DNAH11: variants seen among roughly 807,000 people sequenced by gnomAD.
DNAH11 encodes the protein axonemal beta dynein heavy chain 11.
A neutral mutation model predicts 526.0 loss-of-function variants in DNAH11; 442 were observed. The observed-to-expected ratio is 0.84, with a 90% CI of 0.78 to 0.91. The LOEUF is 0.91. Ranked by LOEUF, DNAH11 falls within the 40% of genes least tolerant of loss-of-function variation. The pLI is 0.00. For synonymous variants in DNAH11, 2,461 were observed against 1,935.9 expected, an observed-to-expected ratio of 1.27 and a Z score of -7.12; for missense variants, 6,989 against 5,448.7, an observed-to-expected ratio of 1.28 and a Z score of -8.90.
intron 45 of DNAH11, among the ~76,000 whole-genome samples, chr7:21,734,056 C>T (rs933469964): frequency 9.9e-5 from 15 of 152,178 alleles, no homozygotes; most frequent in African/African-American, 3.4e-4. Flanking sequence ...CCCAGGCAGC[C>T]TGGCTCCAGA....
At chr7:21,650,083 C>T (rs1787558267) in intron 28 of DNAH11, among the ~76,000 whole-genome samples, 1 of 151,796 alleles carries the variant, frequency 6.6e-6, no homozygotes, top group Non-Finnish European at 1.5e-5. Context: ...TTGCAATTTC[C>T]AAAAGTTTAT....
At chr7:21,611,950 C>G (rs1443777019) in intron 20 of DNAH11, among the ~76,000 whole-genome samples, 1 of 152,112 alleles carries the variant, frequency 6.6e-6, no homozygotes, top group Non-Finnish European at 1.5e-5. Context: ...GCCAAATTTG[C>G]TTCTTAGAAA....
At chr7:21,877,755 GTCCCA>G (rs1290936430) in intron 74 of DNAH11, among the ~76,000 whole-genome samples, 2 of 151,282 alleles carry the variant, frequency 1.3e-5, no homozygotes, top group East Asian at 3.9e-4. Context: ...GGCGCCTGTA[GTCCCA>G]GCTACTCGGG....
chr7:21,779,238 C>G, intron 57 of DNAH11, 134 bp downstream of exon 57: 1 of 1,073,800 alleles, frequency 9.3e-7, no homozygotes. Flanking sequence ...ACACATGTAA[C>G]AGCATTTCAC....
intron 46 of DNAH11, among the ~76,000 whole-genome samples, chr7:21,738,496 T>G (rs1374056940): frequency 6.6e-6 from 1 of 152,112 alleles, no homozygotes; most frequent in South Asian, 2.1e-4. Flanking sequence ...GAATGACTTC[T>G]GGCAACAGGA....
intron 68 of DNAH11, 136 bp from the exon 69 acceptor site, chr7:21,861,717 A>C: frequency 1.4e-6 from 1 of 731,574 alleles, no homozygotes; most frequent in Non-Finnish European, 2.2e-6. Flanking sequence ...TGTGCCAGAA[A>C]CTATAATCCT....
chr7:21,868,994 G>A lies in DNAH11; in HGVS notation c.11967+3G>A, dbSNP rs2128035774. The stretch of plus-strand genomic sequence containing the variant: ...GAGGACACTGGGTCATCCTCCAAGT[G>A]AGTATTAAGTTTCAGGGAAGACACT... On this transcript the variant is annotated splice_donor_region_variant and intron_variant, in intron 73 of 81. Transcript: ENST00000409508. 3 of 1,613,826 alleles carry A rather than the reference G, an allele frequency of 1.9e-6. No individual in the cohort carries two copies. Among genetic ancestry groups the A allele is most frequent in the Middle Eastern group, 1.7e-4 (1 of 6,034 alleles).
chr7:21,836,625 GAAACTATAAA>G (rs537895405), intron 65 of DNAH11, among the ~76,000 whole-genome samples: 60 of 152,206 alleles, frequency 3.9e-4, no homozygotes, highest in Non-Finnish European at 7.4e-4. Flanking sequence ...TGTAATACCT[GAAACTATAAA>G]ACTACTAGAA....
In DNAH11 at chr7:21,787,554, T is replaced by C; in HGVS notation, c.9895T>C (p.Trp3299Arg). The stretch of plus-strand genomic sequence containing the variant: ...TTTTGCAGCAGCTGGCCTGTGTGCC[T>C]GGGTCATCAACATCATTAAATTCTA... ...KSFAAAGLCAWVINIIKFYEV... is the reference protein window; with the variant it reads ...KSFAAAGLCARVINIIKFYEV... The change falls in exon 60 of 82, where the codon TGG (tryptophan) becomes CGG (arginine). Residue 3299 changes from tryptophan to arginine, a missense_variant. Physicochemically the swap from Trp to Arg is moderately radical, Grantham distance 101. Transcript: ENST00000409508. 1 of 1,612,290 alleles carries C rather than the reference T, an allele frequency of 6.2e-7. No homozygotes were observed. The highest frequency in any genetic ancestry group is 8.5e-7 in the Non-Finnish European group (1 of 1,179,290).
chr7:21,899,224 T>C, intron 79 of DNAH11, 112 bp from the exon 80 acceptor site: 1 of 794,684 alleles, frequency 1.3e-6, no homozygotes, highest in Non-Finnish European at 2.2e-6. Context: ...CAGCTAGCAG[T>C]GGTATACTTC....
At chr7:21,595,455 A>G (rs963049654) in intron 14 of DNAH11, among the ~76,000 whole-genome samples, 1 of 152,238 alleles carries the variant, frequency 6.6e-6, no homozygotes, top group African/African-American at 2.4e-5. Context: ...GATTCTGGAT[A>G]TATTTTGAAT....
In DNAH11 at chr7:21,807,891, C is replaced by T. The variant is rs377296775; in HGVS notation, c.10174C>T (p.Arg3392Cys). The T allele has an allele frequency of 3.1e-5, 49 of 1,592,352 alleles. No individual in the cohort carries two copies. The highest frequency in any genetic ancestry group is 8.4e-5 in the Admixed American group (5 of 59,524). Residue 3392 changes from arginine to cysteine, a missense_variant, in exon 63 of 82, where the codon CGC (arginine) becomes TGC (cysteine). Coordinates refer to ENST00000409508, the MANE Select transcript of DNAH11 (RefSeq NM_001277115.2). The stretch of plus-strand genomic sequence containing the variant: ...TTTCATCTTTCAGTCAGAGAAGATT[C>T]GCTGGGGTCAATCCATTAAGTCCTT... ...LVKELEAKKI[R>C]WGQSIKSFEA...
intron 49 of DNAH11, among the ~76,000 whole-genome samples, chr7:21,742,599 C>T (rs982770220): frequency 7.2e-5 from 11 of 152,166 alleles, no homozygotes; most frequent in African/African-American, 2.2e-4. Flanking sequence ...CACTGGGAAT[C>T]GCATTTCAAC....
chr7:21,795,391 C>G (rs1368177717), intron 61 of DNAH11, among the ~76,000 whole-genome samples: 1 of 152,140 alleles, frequency 6.6e-6, no homozygotes, highest in Non-Finnish European at 1.5e-5. Flanking sequence ...TTTAGGGGAA[C>G]TCCTTGGAGA....
At chr7:21,831,830 C>T (rs1781787958) in intron 65 of DNAH11, among the ~76,000 whole-genome samples, 1 of 152,152 alleles carries the variant, frequency 6.6e-6, no homozygotes, top group African/African-American at 2.4e-5. Context: ...GTGGCTCACG[C>T]CTGTAATCCC....
chr7:21,680,197 T>G (rs1783081876), intron 30 of DNAH11, among the ~76,000 whole-genome samples: 1 of 152,182 alleles, frequency 6.6e-6, no homozygotes, highest in African/African-American at 2.4e-5. Context: ...CGGGGCATGA[T>G]AATAGTACAG....
intron 2 of DNAH11, among the ~76,000 whole-genome samples, chr7:21,555,413 A>G (rs897163206): frequency 2.0e-5 from 3 of 152,162 alleles, no homozygotes; most frequent in African/African-American, 4.8e-5. Flanking sequence ...ATAGGCCTAG[A>G]ATTTCTGTCT....
In DNAH11 at chr7:21,744,294, T is replaced by G. The variant is rs1332958182; in HGVS notation, c.8155-144T>G. ...CACTTATCAAAGAGTAAACCTACTT[T>G]TATACACGAACACGCACATTACTAT... On this transcript the variant is annotated intron_variant, in intron 49 of 81. Coordinates refer to ENST00000409508, the MANE Select transcript of DNAH11 (RefSeq NM_001277115.2). 6 of 958,074 alleles carry G rather than the reference T, an allele frequency of 6.3e-6. No homozygotes were observed. The East Asian group carries it at 1.5e-4, about 24-fold the overall frequency. 59.3% of individuals were successfully genotyped at this position (958,074 alleles called of 1,614,324 possible).
chr7:21,704,899 G>A (rs1048295157), intron 38 of DNAH11, among the ~76,000 whole-genome samples: 7 of 152,080 alleles, frequency 4.6e-5, no homozygotes, highest in East Asian at 1.9e-4. Flanking sequence ...TTGGTTCTTC[G>A]AGACATGCAC....
Sources: allele counts gnomAD v4.1 joint callset (sites outside exome capture counted in the v4.1 genomes callset), GRCh38; gene constraint gnomAD v4.1.1; transcripts MANE v1.5; gene names NCBI Gene and HGNC (gene_info 2026-07-23, HGNC 2026-07-21).